The following CNTLN variants were observed in gnomAD, a reference collection of about 807,000 sequenced individuals.
CNTLN encodes centlein, also known as centlein, centrosomal protein.
Under a neutral mutation model 180.0 loss-of-function variants are expected in CNTLN, and 212 were observed. The ratio of observed to expected loss-of-function variants is 1.18; its 90% confidence interval spans 1.05 to 1.32. CNTLN has a LOEUF of 1.32. Among genes scored for constraint, CNTLN ranks in the 40% most tolerant of loss-of-function variants. The pLI is 0.00. For synonymous variants in CNTLN, 722 were observed against 563.1 expected, an observed-to-expected ratio of 1.28 and a Z score of -3.99; for missense variants, 2,095 against 1,610.9, an observed-to-expected ratio of 1.30 and a Z score of -5.14.
intron 8 of CNTLN, among the ~76,000 whole-genome samples, chr9:17,312,553 A>ATTTTTTTTTTTTT (rs56915301): frequency 2.0e-5 from 2 of 100,424 alleles, no homozygotes; most frequent in African/African-American, 3.7e-5. Flanking sequence ...AGCCCGGCTA[A>ATTTTTTTTTTTTT]TTTTTTTTTT....
chr9:17,414,164 C>T (rs977482229), intron 16 of CNTLN, among the ~76,000 whole-genome samples: 1 of 152,210 alleles, frequency 6.6e-6, no homozygotes, highest in Non-Finnish European at 1.5e-5. Flanking sequence ...TTCAAGGTCA[C>T]AAGGGATTGT....
At chr9:17,524,729 A>G in the CNTLN span, among the ~76,000 whole-genome samples, 147 of 152,356 alleles carry the variant, frequency 9.6e-4, no homozygotes, top group African/African-American at 3.2e-3. Context: ...CTCTTTGTTA[A>G]TTATGATTCA....
rs116290890 is a variant in CNTLN, at chr9:17,196,804, C to T, written c.450-29399C>T. Among the ~76,000 whole-genome samples, 794 of 151,972 alleles carry T rather than the reference C, an allele frequency of 5.2e-3. 5 individuals are homozygous for T. The highest frequency in any genetic ancestry group is 0.018 in the African/African-American group (762 of 41,478). ...ACAGGCATACAATGCATAATGATCC[C>T]ATCAGAGTAAATGGGGTGTACATTA... On this transcript the variant is annotated intron_variant, in intron 2 of 25. Transcript: ENST00000380647.
At chr9:17,513,699 G>C in the CNTLN span, among the ~76,000 whole-genome samples, 1 of 151,568 alleles carries the variant, frequency 6.6e-6, no homozygotes, top group African/African-American at 2.4e-5. Flanking sequence ...ATGCGACCCT[G>C]TCTTTAAAAA....
chr9:17,195,100 C>T (rs1822046640), intron 2 of CNTLN, among the ~76,000 whole-genome samples: 1 of 152,140 alleles, frequency 6.6e-6, no homozygotes, highest in South Asian at 2.1e-4. Context: ...CACAGCCAAA[C>T]CATATCAGAA....
chr9:17,201,610 A>G (rs536426716), intron 2 of CNTLN, among the ~76,000 whole-genome samples: 2 of 152,162 alleles, frequency 1.3e-5, no homozygotes, highest in African/African-American at 4.8e-5. Context: ...TAGATTTTCT[A>G]GTTTTTTTGC....
chr9:17,375,857 A>G (rs994858256), intron 13 of CNTLN, among the ~76,000 whole-genome samples: 5 of 152,216 alleles, frequency 3.3e-5, no homozygotes, highest in Non-Finnish European at 7.3e-5. Context: ...ATTAAAGCCA[A>G]GATAACTATA....
intron 5 of CNTLN, among the ~76,000 whole-genome samples, chr9:17,269,276 C>A (rs530738559): frequency 6.6e-6 from 1 of 152,020 alleles, no homozygotes; most frequent in Non-Finnish European, 1.5e-5. Flanking sequence ...CTACTCTAAT[C>A]TTTCTTATTT....
chr9:17,147,336 T>C (rs1241674441), intron 2 of CNTLN, among the ~76,000 whole-genome samples: 1 of 152,212 alleles, frequency 6.6e-6, no homozygotes, highest in Non-Finnish European at 1.5e-5. Context: ...TGTAGGCAAA[T>C]GCTGCAGGTA....
chr9:17,137,532 CAT>C lies in CNTLN; in HGVS notation c.360+2112_360+2113del, dbSNP rs377229870. 5.3e-5 allele frequency among the ~76,000 whole-genome samples: 8 copies of C among 152,196 alleles called. No individual in the cohort carries two copies. In the South Asian group the frequency reaches 1.2e-3, roughly 24 times the overall value. On this transcript the variant is annotated intron_variant, in intron 1 of 25. Coordinates refer to ENST00000380647, the MANE Select transcript of CNTLN (RefSeq NM_017738.4). Reference sequence around the variant, plus strand: ...TCTAGTAAGTACACACATATACAAACATATATTTTCAGAAAGAATACATGCCC... The same window carrying C: ...TCTAGTAAGTACACACATATACAAACATATTTTCAGAAAGAATACATGCCC...
chr9:17,329,226 T>C (rs1051054336), intron 8 of CNTLN, among the ~76,000 whole-genome samples: 2 of 152,074 alleles, frequency 1.3e-5, no homozygotes, highest in African/African-American at 4.8e-5. Context: ...TATAATTTTA[T>C]TAAAGGAAAC....
At chr9:17,157,005 C>G (rs924607981) in intron 2 of CNTLN, among the ~76,000 whole-genome samples, 1 of 152,128 alleles carries the variant, frequency 6.6e-6, no homozygotes, top group African/African-American at 2.4e-5. Flanking sequence ...ATACTGGAGG[C>G]TGAAGTGGAC....
intron 14 of CNTLN, 133 bp downstream of exon 14, chr9:17,388,386 C>T (rs976571375): frequency 3.4e-6 from 2 of 585,674 alleles, no homozygotes; most frequent in African/African-American, 3.7e-5. Context: ...AATTCAAAAT[C>T]ATTGGCTTGC....
chr9:17,488,204 T>C (rs1019520286), intron 25 of CNTLN, among the ~76,000 whole-genome samples: 1 of 152,180 alleles, frequency 6.6e-6, no homozygotes, highest in African/African-American at 2.4e-5. Flanking sequence ...GTTTGATATA[T>C]TTTTGAAACA....
At chr9:17,178,840 C>T (rs993077421) in intron 2 of CNTLN, among the ~76,000 whole-genome samples, 16 of 152,278 alleles carry the variant, frequency 1.1e-4, no homozygotes, top group African/African-American at 3.6e-4. Flanking sequence ...CACAGTGCAG[C>T]GGTGGGCTGA....
chr9:17,204,361 G>GT (rs972963537), intron 2 of CNTLN, among the ~76,000 whole-genome samples: 24 of 151,556 alleles, frequency 1.6e-4, no homozygotes, highest in East Asian at 3.9e-4. Context: ...TAGTTTTTTT[G>GT]TTTTTTTTAT....
chr9:17,470,304 G>A (rs892973699), intron 23 of CNTLN, among the ~76,000 whole-genome samples: 5 of 152,014 alleles, frequency 3.3e-5, no homozygotes, highest in South Asian at 2.1e-4. Context: ...CTTAATGAGC[G>A]TAGTTAAGGA....
rs987360090 is a variant in CNTLN, at chr9:17,503,875, T to G, written c.*1223T>G. 6.6e-6 allele frequency: 1 copy of G among 152,646 alleles called. No individual in the cohort carries two copies. The highest frequency in any genetic ancestry group is 2.4e-5 in the African/African-American group (1 of 41,454). 9.5% of individuals were successfully genotyped at this position (152,646 alleles called of 1,614,324 possible). ...AATATTTTGTAGCATGTGAAAATTA[T>G]ATAAAATTCAAATTTTGGTGTCTGT... is the stretch of plus-strand genomic sequence containing the variant. On this transcript the variant is annotated 3_prime_UTR_variant, in exon 26 of 26. Coordinates refer to ENST00000380647, the MANE Select transcript of CNTLN (RefSeq NM_017738.4).
At chr9:17,332,811 T>A in intron 10 of CNTLN, 81 bp downstream of exon 10, 1 of 1,135,888 alleles carries the variant, frequency 8.8e-7, no homozygotes, top group South Asian at 2.3e-5. Context: ...CATAGATTAC[T>A]AGTTGTCCTT....
Sources: gnomAD v4.1 joint callset for allele counts (sites outside exome capture counted in the v4.1 genomes callset) on GRCh38, gnomAD v4.1.1 for gene constraint, MANE v1.5 for transcripts, NCBI Gene and HGNC (gene_info 2026-07-23, HGNC 2026-07-21) for gene names.